SYNJ1: variants seen among roughly 807,000 people sequenced by gnomAD.
SYNJ1 encodes the protein synaptojanin 1, also known as polyphosphatidylinositol phosphatase SYNJ1.
In SYNJ1, 78 loss-of-function variants were observed where a neutral mutation model predicts 168.2. The observed-to-expected ratio is 0.46, with a 90% CI of 0.39 to 0.56. The LOEUF is 0.56. Ranked by LOEUF, SYNJ1 falls within the 20% of genes least tolerant of loss-of-function variation. The pLI, the probability that SYNJ1 is intolerant of heterozygous loss-of-function variation, is 0.00. For synonymous variants in SYNJ1, 539 were observed against 548.6 expected, an observed-to-expected ratio of 0.98 and a Z score of 0.24; for missense variants, 1,303 against 1,597.6, an observed-to-expected ratio of 0.82 and a Z score of 3.14.
At chr21:32,717,579 A>AT (rs1657991916) in intron 2 of SYNJ1, among the ~76,000 whole-genome samples, 2 of 152,118 alleles carry the variant, frequency 1.3e-5, no homozygotes, top group African/African-American at 4.8e-5. Flanking sequence ...GAAGCAGTAT[A>AT]CCCTTTGCAG....
chr21:32,718,734 G>C (rs531017537), intron 2 of SYNJ1, among the ~76,000 whole-genome samples: 1 of 151,508 alleles, frequency 6.6e-6, no homozygotes, highest in East Asian at 1.9e-4. Flanking sequence ...TCTAGAACCT[G>C]ACATTTAACT....
chr21:32,666,073 A>G lies in SYNJ1; in HGVS notation c.2015T>C (p.Val672Ala). The G allele has an allele frequency of 6.2e-7, 1 of 1,614,020 alleles. No homozygotes were observed. Among genetic ancestry groups the G allele is most frequent in the South Asian group, 1.1e-5 (1 of 91,058 alleles). ...MGGATGNKGA[V>A]AIRMLFHTTS... ...TGTATGGAAGAGCATTCGGATTGCA[A>G]CTGCTCCCTTATTTCCAGTTGCACC... Residue 672 changes from valine (V) to alanine (A), a missense_variant, in exon 17 of 33, where the codon GTT becomes GCT. Physicochemically the swap from Val to Ala is moderately conservative, Grantham distance 64 (BLOSUM62 0). This residue lies in a region of SYNJ1 where 920 missense variants were observed against 1,208.8 expected (regional missense o/e 0.76). Coordinates refer to ENST00000674351, the MANE Select transcript of SYNJ1 (RefSeq NM_203446.3).
At chr21:32,663,300 A>T (rs559899487) in intron 18 of SYNJ1, among the ~76,000 whole-genome samples, 101 of 152,350 alleles carry the variant, frequency 6.6e-4, no homozygotes, top group African/African-American at 2.4e-3. Flanking sequence ...CTCACCCCGT[A>T]GGATGACTTA....
At chr21:32,657,620 T>C in intron 19 of SYNJ1, 96 bp downstream of exon 19, 1 of 1,215,236 alleles carries the variant, frequency 8.2e-7, no homozygotes, top group Non-Finnish European at 1.1e-6. Flanking sequence ...TAATGTTTCT[T>C]GAAAAACAAT....
At position 32,645,699 on chromosome 21, in the gene SYNJ1, G is replaced by C; in HGVS notation, c.3338C>G (p.Pro1113Arg). ...AGCCGGGCGTGTGGGAGGGGCGACCGGGCGGGGCGGCGGCGGCCGCTTGGG... is the reference window on the plus strand; with the variant it reads ...AGCCGGGCGTGTGGGAGGGGCGACCCGGCGGGGCGGCGGCGGCCGCTTGGG... ...LEPKRPPPPR[P>R]VAPPTRPAPP... The change falls in exon 25 of 33, where the codon CCG becomes CGG. Residue 1113 changes from proline to arginine, a missense_variant. Transcript: ENST00000674351. The C allele has an allele frequency of 2.7e-6, 4 of 1,489,838 alleles. No homozygotes were observed. The highest frequency in any genetic ancestry group is 4.8e-5 in the East Asian group (2 of 41,360). 92.3% of individuals were successfully genotyped at this position (1,489,838 alleles called of 1,614,324 possible). A position where few individuals can be genotyped will look rare whatever the true frequency, so the allele number is the denominator to read the frequency against.
In SYNJ1 at chr21:32,685,743, C is replaced by A; in HGVS notation, c.1118+5G>T. On this transcript the variant is annotated splice_donor_5th_base_variant and intron_variant, in intron 9 of 32. Coordinates refer to ENST00000674351, the MANE Select transcript of SYNJ1 (RefSeq NM_203446.3). ...TCAAAGAACAGAGAAACAGAACAGTCAAACCTTTGAACTTCACTTCCATTG... is the reference window on the plus strand; with the variant it reads ...TCAAAGAACAGAGAAACAGAACAGTAAAACCTTTGAACTTCACTTCCATTG... 6.3e-7 allele frequency: 1 copy of A among 1,589,890 alleles called. No individual in the cohort carries two copies. The highest frequency in any genetic ancestry group is 1.2e-5 in the South Asian group (1 of 85,482).
intron 2 of SYNJ1, among the ~76,000 whole-genome samples, chr21:32,718,348 T>C (rs911035817): frequency 2.0e-5 from 3 of 152,224 alleles, no homozygotes; most frequent in Non-Finnish European, 4.4e-5. Context: ...TAAAAAAGTT[T>C]GGTTGATTTT....
intron 7 of SYNJ1, 31 bp from the exon 8 acceptor site, chr21:32,687,105 G>T: frequency 8.1e-7 from 1 of 1,240,326 alleles, no homozygotes; most frequent in Non-Finnish European, 1.1e-6. Flanking sequence ...ATAAATACAT[G>T]TCAAATAAGA....
chr21:32,690,593 A>G (rs1320070433), intron 6 of SYNJ1, among the ~76,000 whole-genome samples: 2 of 152,170 alleles, frequency 1.3e-5, no homozygotes, highest in Non-Finnish European at 2.9e-5. Flanking sequence ...ACTTTACCCA[A>G]TTAAAAAAAA....
intron 23 of SYNJ1, among the ~76,000 whole-genome samples, chr21:32,648,610 CCTT>C (rs1294406729): frequency 3.3e-5 from 5 of 152,170 alleles, no homozygotes; most frequent in African/African-American, 9.7e-5. Context: ...TCACGGGCAG[CCTT>C]CTTCTGTCTA....
At position 32,703,807 on chromosome 21, in the gene SYNJ1, G is replaced by A. The variant is rs1442141398; in HGVS notation, c.125-1760C>T. Reference sequence around the variant, plus strand: ...CAGCTCAATGCAGCCTTGACCTCCAGGGCTCAAGTAATCCTCCCACCTCAG... The same window carrying A: ...CAGCTCAATGCAGCCTTGACCTCCAAGGCTCAAGTAATCCTCCCACCTCAG... On this transcript the variant is annotated intron_variant, in intron 2 of 32. Transcript: ENST00000674351. Among the ~76,000 whole-genome samples the A allele has an allele frequency of 1.3e-5, 2 of 151,846 alleles. 1 individual carries two copies. Among genetic ancestry groups the A allele is most frequent in the African/African-American group, 4.8e-5 (2 of 41,342 alleles).
intron 7 of SYNJ1, 59 bp from the exon 8 acceptor site, chr21:32,687,133 AAACAATAATCCAT>A: frequency 3.5e-6 from 3 of 862,228 alleles, no homozygotes. Flanking sequence ...TTTTTTCAAT[AAACAATAATCCAT>A]TATTAAATAT....
In SYNJ1 at chr21:32,699,847, C is replaced by CTGG; in HGVS notation, c.469_470insCCA (p.Asn156_Arg157insThr). 1 of 1,609,000 alleles carries CTGG rather than the reference C, an allele frequency of 6.2e-7. No individual in the cohort carries two copies. The highest frequency in any genetic ancestry group is 8.5e-7 in the Non-Finnish European group (1 of 1,177,730). ...GAAAAAATGAACTCACCAGAAAAAT[C>CTGG]TATTATCAGTTGTCTGTTCTTGCAT... On this transcript the variant is annotated inframe_insertion, in exon 4 of 33. Coordinates refer to ENST00000674351, the MANE Select transcript of SYNJ1 (RefSeq NM_203446.3).
intron 10 of SYNJ1, among the ~76,000 whole-genome samples, chr21:32,682,595 A>C (rs550699169): frequency 1.3e-5 from 2 of 152,258 alleles, no homozygotes; most frequent in Admixed American, 1.3e-4. Context: ...TATCATTTAA[A>C]TCTTTCTTCA....
intron 6 of SYNJ1, among the ~76,000 whole-genome samples, chr21:32,690,367 C>T (rs891436419): frequency 1.3e-5 from 2 of 152,130 alleles, no homozygotes; most frequent in East Asian, 3.9e-4. Flanking sequence ...GTCACCATGC[C>T]CGAATGATTT....
chr21:32,700,321 C>T lies in SYNJ1; in HGVS notation c.212-216G>A, dbSNP rs556809406. Reference sequence around the variant, plus strand: ...TAAACATTAACAGGATAATCTCACACGAAATTGTTCCTGAACTTATTCTGA... The same window carrying T: ...TAAACATTAACAGGATAATCTCACATGAAATTGTTCCTGAACTTATTCTGA... On this transcript the variant is annotated intron_variant, in intron 3 of 32. Coordinates refer to ENST00000674351, the MANE Select transcript of SYNJ1 (RefSeq NM_203446.3). Among the ~76,000 whole-genome samples, 331 of 152,272 alleles carry T rather than the reference C, an allele frequency of 2.2e-3. 3 individuals carry two copies. The highest frequency in any genetic ancestry group is 7.1e-3 in the African/African-American group (294 of 41,548).
At chr21:32,660,613 G>T (rs2040655729) in intron 18 of SYNJ1, among the ~76,000 whole-genome samples, 1 of 152,264 alleles carries the variant, frequency 6.6e-6, no homozygotes, top group Non-Finnish European at 1.5e-5. Context: ...ATATGCGGTG[G>T]TAACTTTGAA....
chr21:32,652,536 T>C lies in SYNJ1; in HGVS notation c.2874+752A>G, dbSNP rs544394792. Among the ~76,000 whole-genome samples the C allele has an allele frequency of 2.6e-4, 40 of 152,234 alleles. 1 individual carries two copies. The South Asian group carries it at 8.3e-3, about 32-fold the overall frequency. On this transcript the variant is annotated intron_variant, in intron 22 of 32. Coordinates refer to ENST00000674351, the MANE Select transcript of SYNJ1 (RefSeq NM_203446.3). The stretch of plus-strand genomic sequence containing the variant: ...AAAGAATTTTTTTTCTCCAAAGAAG[T>C]TGATGTGACAGAAGAAGCAGCTCAG...
At chr21:32,700,315 CT>C (rs2042353209) in intron 3 of SYNJ1, among the ~76,000 whole-genome samples, 2 of 152,144 alleles carry the variant, frequency 1.3e-5, no homozygotes, top group Admixed American at 6.5e-5. Flanking sequence ...ACAGGATAAT[CT>C]CACACGAAAT....
Sources: gnomAD v4.1 joint callset for allele counts (sites outside exome capture counted in the v4.1 genomes callset) on GRCh38, gnomAD v4.1.1 for gene constraint, gnomAD v4.1.1 regional missense constraint, MANE v1.5 for transcripts, NCBI Gene and HGNC (gene_info 2026-07-23, HGNC 2026-07-21) for gene names.